SIPA1L1: variants seen among roughly 807,000 people sequenced by gnomAD.
SIPA1L1 encodes the protein signal-induced proliferation-associated 1-like protein 1.
In SIPA1L1, 26 loss-of-function variants were observed where a neutral mutation model predicts 162.7. The observed-to-expected ratio is 0.16, with a 90% confidence interval of 0.12 to 0.22. The LOEUF (loss-of-function observed/expected upper bound fraction) is 0.22, where lower values mean the gene tolerates loss of function less well. SIPA1L1 is among the 10% of genes least tolerant of loss of function. The pLI, the probability that SIPA1L1 is intolerant of heterozygous loss-of-function variation, is 1.00. For missense variants in SIPA1L1, 1,874 were observed against 2,241.0 expected, an observed-to-expected ratio of 0.84 and a Z score of 3.31; for synonymous variants, 829 against 837.4, an observed-to-expected ratio of 0.99 and a Z score of 0.17.
intron 2 of SIPA1L1, among the ~76,000 whole-genome samples, chr14:71,424,677 T>C (rs1020993466): frequency 1.3e-5 from 2 of 152,118 alleles, no homozygotes; most frequent in African/African-American, 4.8e-5. Flanking sequence ...TTTGCCAATA[T>C]TTTGTTGAGG....
chr14:71,375,732 A>C (rs532904916), intron 2 of SIPA1L1, among the ~76,000 whole-genome samples: 1 of 152,220 alleles, frequency 6.6e-6, no homozygotes, highest in African/African-American at 2.4e-5. Flanking sequence ...CAGTTATTTG[A>C]TAAAGTTCTT....
At chr14:71,328,417 T>C (rs576220122) in intron 2 of SIPA1L1, among the ~76,000 whole-genome samples, 2 of 152,304 alleles carry the variant, frequency 1.3e-5, no homozygotes, top group African/African-American at 4.8e-5. Context: ...ATGCTAGATA[T>C]TGAGGTTGAT....
intron 4 of SIPA1L1, among the ~76,000 whole-genome samples, chr14:71,557,724 T>C (rs1332693071): frequency 2.6e-5 from 4 of 152,366 alleles, no homozygotes; most frequent in Non-Finnish European, 2.9e-5. Context: ...AAATTGTGAC[T>C]CTTTTCAGAT....
intron 8 of SIPA1L1, among the ~76,000 whole-genome samples, 169 bp downstream of exon 8, chr14:71,650,678 A>G (rs950975298): frequency 6.6e-6 from 1 of 152,230 alleles, no homozygotes; most frequent in Non-Finnish European, 1.5e-5. Context: ...GTTGAAGATC[A>G]TAACCAAAGT....
chr14:71,379,451 A>C (rs1175976420), intron 2 of SIPA1L1: 3 of 151,804 alleles, frequency 2.0e-5, no homozygotes, highest in Non-Finnish European at 2.9e-5. Flanking sequence ...CTACAGGTGC[A>C]GGCCACCGTG....
At chr14:71,502,722 C>T (rs2050361715) in intron 2 of SIPA1L1, among the ~76,000 whole-genome samples, 1 of 152,080 alleles carries the variant, frequency 6.6e-6, no homozygotes, top group African/African-American at 2.4e-5. Context: ...TACATTAGTG[C>T]AAATGTAGTT....
intron 7 of SIPA1L1, among the ~76,000 whole-genome samples, chr14:71,625,110 T>G (rs2039836798): frequency 6.6e-6 from 1 of 152,180 alleles, no homozygotes; most frequent in South Asian, 2.1e-4. Flanking sequence ...ATGTTCATTT[T>G]TCACAGAAGG....
At chr14:71,383,960 A>T (rs1486570525) in intron 2 of SIPA1L1, among the ~76,000 whole-genome samples, 3 of 152,026 alleles carry the variant, frequency 2.0e-5, no homozygotes, top group African/African-American at 7.3e-5. Context: ...TTTATTACCT[A>T]TTCTCTGGGG....
intron 14 of SIPA1L1, among the ~76,000 whole-genome samples, chr14:71,701,859 A>T (rs2082121543): frequency 6.6e-6 from 1 of 152,236 alleles, no homozygotes; most frequent in Admixed American, 6.5e-5. Context: ...TACATGATCT[A>T]AATGATAGTA....
In SIPA1L1 at chr14:71,621,057, C is replaced by T. The variant is rs117966546; in HGVS notation, c.1629+2170C>T. ...TATTCCCATCTTCTCCCTCCTGCCC[C>T]TGAGATCTGGTCTGTCAGCAACACT... is the stretch of plus-strand genomic sequence containing the variant. On this transcript the variant is annotated intron_variant, in intron 6 of 23. Transcript: ENST00000381232. 1.3e-3 allele frequency among the ~76,000 whole-genome samples: 192 copies of T among 152,316 alleles called. No individual in the cohort carries two copies. In the East Asian group the frequency reaches 0.027, roughly 22 times the overall value.
At chr14:71,512,650 G>A (rs2051273093) in intron 2 of SIPA1L1, 93 bp from the exon 3 acceptor site, 1 of 126,282 alleles carries the variant, frequency 7.9e-6, no homozygotes, top group East Asian at 2.7e-4. Context: ...CATCTTTTGT[G>A]TGTGGGGGGA....
chr14:71,445,037 T>C (rs1359352097), intron 2 of SIPA1L1, among the ~76,000 whole-genome samples: 2 of 152,184 alleles, frequency 1.3e-5, no homozygotes, highest in African/African-American at 4.8e-5. Context: ...ATAAAATATT[T>C]GTGATATGAA....
At chr14:71,393,317 G>C (rs146857418) in intron 2 of SIPA1L1, among the ~76,000 whole-genome samples, 5 of 152,184 alleles carry the variant, frequency 3.3e-5, no homozygotes, top group Non-Finnish European at 1.5e-5. Context: ...AAGTAATTGT[G>C]TAAAGAAAGA....
chr14:71,561,361 T>A (rs2056773521), intron 4 of SIPA1L1, among the ~76,000 whole-genome samples: 1 of 152,200 alleles, frequency 6.6e-6, no homozygotes, highest in Non-Finnish European at 1.5e-5. Context: ...TATTACTTTC[T>A]TTAGATTCTT....
At chr14:71,420,462 G>A (rs1295082625) in intron 2 of SIPA1L1, among the ~76,000 whole-genome samples, 1 of 152,178 alleles carries the variant, frequency 6.6e-6, no homozygotes, top group Non-Finnish European at 1.5e-5. Flanking sequence ...GGTAACCAAA[G>A]CAACTCATCT....
intron 4 of SIPA1L1, among the ~76,000 whole-genome samples, chr14:71,558,962 G>A (rs1053387967): frequency 6.6e-6 from 1 of 152,162 alleles, no homozygotes; most frequent in African/African-American, 2.4e-5. Flanking sequence ...GGGATTACTG[G>A]TGTAAGCCAG....
At chr14:71,387,321 G>A (rs895199667) in intron 2 of SIPA1L1, among the ~76,000 whole-genome samples, 44 of 140,594 alleles carry the variant, frequency 3.1e-4, no homozygotes, top group Non-Finnish European at 5.7e-4. Context: ...TTTAAAAATA[G>A]TTGACTAGGC....
In SIPA1L1 at chr14:71,339,914, G is replaced by A. The variant is rs548894188; in HGVS notation, c.-465+18733G>A. On this transcript the variant is annotated intron_variant, in intron 2 of 23. Transcript: ENST00000381232. The stretch of plus-strand genomic sequence containing the variant: ...ATTGAGTTCCTGTTACAGAATTTCT[G>A]CTTCTCTTAACATAGATTGTAGCAG... Among the ~76,000 whole-genome samples, 15 of 152,292 alleles carry A rather than the reference G, an allele frequency of 9.8e-5. 1 individual carries two copies. In the South Asian group the frequency reaches 3.1e-3, roughly 32 times the overall value.
intron 8 of SIPA1L1, among the ~76,000 whole-genome samples, chr14:71,658,086 A>G (rs1210795044): frequency 6.6e-6 from 1 of 151,728 alleles, no homozygotes; most frequent in Non-Finnish European, 1.5e-5. Context: ...ATTTCTTTTG[A>G]AATCTTATGT....
Sources: gnomAD v4.1 joint callset for allele counts (sites outside exome capture counted in the v4.1 genomes callset) on GRCh38, gnomAD v4.1.1 for gene constraint, MANE v1.5 for transcripts, NCBI Gene and HGNC (gene_info 2026-07-23, HGNC 2026-07-21) for gene names.